Variants in SAXO1 observed in about 807,000 individuals in gnomAD.
The protein encoded by SAXO1 is stabilizer of axonemal microtubules 1.
Under a neutral mutation model 17.5 loss-of-function variants are expected in SAXO1, and 21 were observed. That is an observed-to-expected ratio of 1.20 (90% confidence interval 0.85 to 1.72). The LOEUF (loss-of-function observed/expected upper bound fraction) is 1.72. Ranked by LOEUF, SAXO1 falls within the 40% of genes most tolerant of loss-of-function variation. The pLI is 0.00. For missense variants in SAXO1, 843 were observed against 596.0 expected (o/e 1.41, Z -4.32); for synonymous variants, 274 against 216.5 (o/e 1.27, Z -2.33).
At chr9:19,021,783 G>C (rs1228751515) in intron 1 of SAXO1, among the ~76,000 whole-genome samples, 2 of 152,288 alleles carry the variant, frequency 1.3e-5, no homozygotes, top group East Asian at 1.9e-4. Context: ...AACTGCACCA[G>C]TCAGCAATCT....
At chr9:19,016,049 G>T (rs936570273) in intron 1 of SAXO1, among the ~76,000 whole-genome samples, 7 of 152,124 alleles carry the variant, frequency 4.6e-5, no homozygotes, top group Non-Finnish European at 8.8e-5. Context: ...CACATGCAGG[G>T]GAAGGGCACC....
chr9:19,039,478 G>A (rs1278164666), intron 1 of SAXO1, among the ~76,000 whole-genome samples: 6 of 152,206 alleles, frequency 3.9e-5, no homozygotes, highest in Admixed American at 1.3e-4. Context: ...TACATCTACT[G>A]TACTTCGTCC....
At chr9:19,008,618 T>C (rs971680027) in intron 1 of SAXO1, among the ~76,000 whole-genome samples, 2 of 152,184 alleles carry the variant, frequency 1.3e-5, no homozygotes, top group African/African-American at 4.8e-5. Context: ...TTCCTCTTTT[T>C]CCTTAGCAAA....
At chr9:18,993,684 T>A (rs967562222) in intron 1 of SAXO1, among the ~76,000 whole-genome samples, 2 of 152,080 alleles carry the variant, frequency 1.3e-5, no homozygotes, top group East Asian at 3.9e-4. Flanking sequence ...AAAGGGGGTA[T>A]AAGGTAAGAA....
At chr9:18,970,662 G>A (rs1477537901) in intron 1 of SAXO1, among the ~76,000 whole-genome samples, 1 of 152,098 alleles carries the variant, frequency 6.6e-6, no homozygotes, top group East Asian at 1.9e-4. Context: ...AACTTGAGTG[G>A]GGCCAAAAGG....
At chr9:19,015,690 G>T (rs1198097666) in intron 1 of SAXO1, among the ~76,000 whole-genome samples, 1 of 148,814 alleles carries the variant, frequency 6.7e-6, no homozygotes, top group African/African-American at 2.5e-5. Flanking sequence ...TGTGGCCCAG[G>T]CTAGTCTGAA....
At chr9:18,945,979 C>A (rs1191124729) in intron 2 of SAXO1, among the ~76,000 whole-genome samples, 1 of 152,188 alleles carries the variant, frequency 6.6e-6, no homozygotes, top group South Asian at 2.1e-4. Flanking sequence ...TTCTTGACTA[C>A]AAAAACCAGA....
intron 1 of SAXO1, among the ~76,000 whole-genome samples, chr9:18,960,364 A>G (rs1364206103): frequency 6.6e-6 from 1 of 152,078 alleles, no homozygotes; most frequent in African/African-American, 2.4e-5. Context: ...CTATCTCTTC[A>G]CTACTCCTTT....
intron 1 of SAXO1, among the ~76,000 whole-genome samples, chr9:19,021,293 G>C (rs772808923): frequency 6.6e-6 from 1 of 152,204 alleles, no homozygotes; most frequent in Non-Finnish European, 1.5e-5. Context: ...ACGTGCAGAG[G>C]AAGTCAGAGT....
At chr9:19,034,590 G>A (rs1835886934), upstream of SAXO1, among the ~76,000 whole-genome samples, 2 of 152,134 alleles carry the variant, frequency 1.3e-5, no homozygotes, top group South Asian at 4.1e-4. Flanking sequence ...TCCAACCCCA[G>A]TTATAGGAAG....
chr9:18,990,426 C>G (rs1833769033), intron 1 of SAXO1, among the ~76,000 whole-genome samples: 1 of 152,188 alleles, frequency 6.6e-6, no homozygotes, highest in Non-Finnish European at 1.5e-5. Context: ...AAATTCCTAG[C>G]AGGACACCGT....
At chr9:18,990,474 G>A (rs576745307) in intron 1 of SAXO1, among the ~76,000 whole-genome samples, 10 of 152,182 alleles carry the variant, frequency 6.6e-5, no homozygotes, top group Non-Finnish European at 1.0e-4. Flanking sequence ...GGGAGGCCAA[G>A]GTAGGAGAAT....
chr9:18,955,895 C>G (rs1156719853), intron 1 of SAXO1, among the ~76,000 whole-genome samples: 2 of 151,986 alleles, frequency 1.3e-5, no homozygotes, highest in Non-Finnish European at 2.9e-5. Context: ...ATGTCCCCAC[C>G]TCTTCTTCTA....
Position 18,941,817 on chromosome 9 carries a change from C to G in SAXO1, c.241G>C (p.Val81Leu), listed in dbSNP as rs372783811. ...TSRRDFGPHK[V>L]APVKVHQYDQ... The stretch of plus-strand genomic sequence containing the variant: ...TACTGGTGGACCTTCACTGGTGCCA[C>G]TTTGTGAGGCCCAAAATCTCTCCTG... The change falls in exon 3 of 4, where the codon GTG becomes CTG. Residue 81 changes from valine (V) to leucine (L), a missense_variant. Coordinates refer to ENST00000380534, the MANE Select transcript of SAXO1 (RefSeq NM_153707.4). 2.8e-5 allele frequency: 46 copies of G among 1,614,194 alleles called. No homozygotes were observed. In the African/African-American group the frequency reaches 5.1e-4, roughly 18 times the overall value.
chr9:19,048,548 G>C (rs552627637), intron 1 of SAXO1, among the ~76,000 whole-genome samples: 2 of 152,198 alleles, frequency 1.3e-5, no homozygotes, highest in African/African-American at 4.8e-5. Flanking sequence ...TGGCGACACT[G>C]ATTCACTCAT....
intron 1 of SAXO1, among the ~76,000 whole-genome samples, chr9:19,013,811 T>C (rs1834853558): frequency 6.6e-6 from 1 of 151,992 alleles, no homozygotes; most frequent in African/African-American, 2.4e-5. Context: ...CCTCCCAAAG[T>C]GTTAGGATTA....
At chr9:19,002,659 T>C (rs1271999275) in intron 1 of SAXO1, among the ~76,000 whole-genome samples, 4 of 152,168 alleles carry the variant, frequency 2.6e-5, no homozygotes, top group Non-Finnish European at 5.9e-5. Flanking sequence ...ATTATCTCAA[T>C]AGATGCAGAA....
At chr9:19,023,378 G>T (rs147325837) in intron 1 of SAXO1, among the ~76,000 whole-genome samples, 3 of 152,078 alleles carry the variant, frequency 2.0e-5, no homozygotes, top group African/African-American at 7.2e-5. Context: ...GTGGATGCAC[G>T]CATTGTTCTA....
chr9:18,975,267 G>A (rs985185218), intron 1 of SAXO1, among the ~76,000 whole-genome samples: 1 of 146,382 alleles, frequency 6.8e-6, no homozygotes, highest in Non-Finnish European at 1.5e-5. Flanking sequence ...GCTGGGGAAG[G>A]ATAAATGGTT....
Sources: allele counts gnomAD v4.1 joint callset (sites outside exome capture counted in the v4.1 genomes callset), GRCh38; gene constraint gnomAD v4.1.1; transcripts MANE v1.5; gene names NCBI Gene and HGNC (gene_info 2026-07-23, HGNC 2026-07-21).